EBF1: variants seen among roughly 807,000 people sequenced by gnomAD.
EBF1 encodes the protein transcription factor COE1.
In EBF1, 10 loss-of-function variants were observed where a neutral mutation model predicts 68.4. The observed-to-expected ratio is 0.15, with a 90% CI of 0.09 to 0.25. The LOEUF (loss-of-function observed/expected upper bound fraction) is 0.25, where lower values mean the gene tolerates loss of function less well. Among genes scored for constraint, EBF1 ranks in the 10% least tolerant of loss-of-function variants. The probability of loss-of-function intolerance (pLI) is 1.00; values close to 1 mark genes in which losing one functional copy is unlikely to be tolerated. For missense variants in EBF1, 509 were observed against 794.4 expected (o/e 0.64, Z 4.32); for synonymous variants, 298 against 299.8 (o/e 0.99, Z 0.06).
intron 6 of EBF1, among the ~76,000 whole-genome samples, chr5:158,887,304 C>A (rs976172110): frequency 1.2e-4 from 18 of 152,168 alleles, no homozygotes; most frequent in African/African-American, 4.3e-4. Context: ...GAAGATACAT[C>A]TTTTCCTTGT....
At chr5:158,983,897 A>AGTGTGTGTGTGTGTGTGTGTGTGT (rs56099364) in intron 6 of EBF1, 5 of 139,972 alleles carry the variant, frequency 3.6e-5, no homozygotes, top group South Asian at 2.5e-4. Context: ...CAACTGTAAG[A>AGTGTGTGTGTGTGTGTGTGTGTGT]GTGTGTGTGT....
intron 10 of EBF1, among the ~76,000 whole-genome samples, chr5:158,771,784 G>A (rs563896780): frequency 1.5e-3 from 234 of 152,184 alleles, no homozygotes; most frequent in South Asian, 2.3e-3. Context: ...AAGTCAGTCC[G>A]ACTGACTCAT....
At chr5:158,745,738 G>A (rs1275818629) in intron 10 of EBF1, among the ~76,000 whole-genome samples, 1 of 152,178 alleles carries the variant, frequency 6.6e-6, no homozygotes, top group African/African-American at 2.4e-5. Context: ...GAGGGAGGGT[G>A]GGGGTTCTAA....
intron 6 of EBF1, among the ~76,000 whole-genome samples, chr5:158,843,400 T>C (rs1315262696): frequency 1.3e-5 from 2 of 152,226 alleles, no homozygotes; most frequent in Admixed American, 6.5e-5. Context: ...GAGGATCTTC[T>C]GCCTCAAAGA....
intron 6 of EBF1, among the ~76,000 whole-genome samples, chr5:158,892,324 A>G (rs1299170812): frequency 6.6e-6 from 1 of 152,126 alleles, no homozygotes; most frequent in Non-Finnish European, 1.5e-5. Context: ...CTCCATCTCT[A>G]CTAAAAATAC....
rs1301281145 is a variant in EBF1 at position 158,947,213 on chromosome 5, A to C, written c.555-107103T>G. Among the ~76,000 whole-genome samples, 3 of 151,680 alleles carry C rather than the reference A, an allele frequency of 2.0e-5. No homozygotes were observed. The East Asian group carries it at 5.8e-4, about 29-fold the overall frequency. On this transcript the variant is annotated intron_variant, in intron 6 of 15. Coordinates refer to ENST00000313708, the MANE Select transcript of EBF1 (RefSeq NM_024007.5). The stretch of plus-strand genomic sequence containing the variant: ...GAGTGAGCGGTTCTGTCTCACTGGC[A>C]TTCCAGGCGCCACCAGGGTATGGAA...
At chr5:158,882,741 T>C (rs774731397) in intron 6 of EBF1, among the ~76,000 whole-genome samples, 2 of 152,190 alleles carry the variant, frequency 1.3e-5, no homozygotes, top group African/African-American at 2.4e-5. Flanking sequence ...TTTTAACATA[T>C]CTTCTCCAAT....
At chr5:158,842,118 G>A (rs780160351) in intron 6 of EBF1, among the ~76,000 whole-genome samples, 55 of 152,228 alleles carry the variant, frequency 3.6e-4, no homozygotes, top group Non-Finnish European at 6.9e-4. Context: ...CAATCAGCCA[G>A]TCATTGACTC....
chr5:158,977,224 A>G (rs984637832), intron 6 of EBF1, among the ~76,000 whole-genome samples: 1 of 152,172 alleles, frequency 6.6e-6, no homozygotes, highest in Non-Finnish European at 1.5e-5. Context: ...TTATCCCTCA[A>G]AACAGACAAG....
At chr5:158,751,156 A>C (rs1346280792) in intron 10 of EBF1, among the ~76,000 whole-genome samples, 1 of 152,164 alleles carries the variant, frequency 6.6e-6, no homozygotes, top group African/African-American at 2.4e-5. Flanking sequence ...AAATATACAA[A>C]AATCTTTTTA....
At chr5:159,060,933 T>TAC (rs72070397) in intron 6 of EBF1, among the ~76,000 whole-genome samples, 53,938 of 143,436 alleles carry the variant, frequency 0.38, 9,838 homozygotes, top group Middle Eastern at 0.43. Flanking sequence ...TAAAGCTACA[T>TAC]ACACACACAC....
rs957334641 is a variant in EBF1 at position 158,793,261 on chromosome 5, C to T, written c.909+3084G>A. Among the ~76,000 whole-genome samples, 24 of 152,168 alleles carry T rather than the reference C, an allele frequency of 1.6e-4. 1 individual carries two copies. The highest frequency in any genetic ancestry group is 5.5e-4 in the African/African-American group (23 of 41,448). ...AATGAATGTTAGCTAATATTAGTCA[C>T]ACTCTGCATTTTCTGTAGCTTTTTC... On this transcript the variant is annotated intron_variant, in intron 9 of 15. Transcript: ENST00000313708.
chr5:158,858,649 C>T (rs1234938025), intron 6 of EBF1, among the ~76,000 whole-genome samples: 1 of 152,290 alleles, frequency 6.6e-6, no homozygotes, highest in East Asian at 1.9e-4. Context: ...GCTTCTGCTA[C>T]AATTATTATG....
intron 6 of EBF1, among the ~76,000 whole-genome samples, chr5:158,926,414 C>T (rs1345069947): frequency 6.6e-6 from 1 of 152,132 alleles, no homozygotes; most frequent in Non-Finnish European, 1.5e-5. Flanking sequence ...TGTTCCAACC[C>T]AGTATATTAT....
intron 10 of EBF1, among the ~76,000 whole-genome samples, chr5:158,751,476 AG>A (rs1391168250): frequency 6.6e-6 from 1 of 152,146 alleles, no homozygotes; most frequent in African/African-American, 2.4e-5. Flanking sequence ...TCATACACTC[AG>A]GGATCATCAC....
intron 6 of EBF1, among the ~76,000 whole-genome samples, chr5:159,044,148 T>C (rs1771836143): frequency 1.3e-5 from 2 of 152,246 alleles, no homozygotes; most frequent in African/African-American, 4.8e-5. Flanking sequence ...GTATATCATA[T>C]GAAGAAATTA....
intron 6 of EBF1, among the ~76,000 whole-genome samples, chr5:158,850,761 C>T (rs1792481796): frequency 6.6e-6 from 1 of 152,150 alleles, no homozygotes; most frequent in Non-Finnish European, 1.5e-5. Flanking sequence ...AATCTCAGCA[C>T]TTTGGGAGGC....
intron 6 of EBF1, among the ~76,000 whole-genome samples, chr5:159,001,260 A>C (rs912378380): frequency 6.6e-6 from 1 of 152,190 alleles, no homozygotes; most frequent in South Asian, 2.1e-4. Context: ...AATGAGTAAG[A>C]AAGAAATTTT....
chr5:158,841,985 G>C (rs764881958), intron 6 of EBF1, among the ~76,000 whole-genome samples: 1 of 152,200 alleles, frequency 6.6e-6, no homozygotes, highest in Non-Finnish European at 1.5e-5. Context: ...AGCCAAAGTT[G>C]ATCAACCTTT....
Sources: gnomAD v4.1 joint callset for allele counts (sites outside exome capture counted in the v4.1 genomes callset) on GRCh38, gnomAD v4.1.1 for gene constraint, MANE v1.5 for transcripts, NCBI Gene and HGNC (gene_info 2026-07-23, HGNC 2026-07-21) for gene names.